Variants in TDRD9 observed in about 807,000 individuals in gnomAD.
TDRD9 encodes ATP-dependent RNA helicase TDRD9.
A neutral mutation model predicts 172.6 loss-of-function variants in TDRD9; 124 were observed. The observed-to-expected ratio is 0.72, with a 90% confidence interval of 0.62 to 0.83. The LOEUF (loss-of-function observed/expected upper bound fraction) is 0.83, where lower values mean the gene tolerates loss of function less well. Ranked by LOEUF, TDRD9 falls within the 40% of genes least tolerant of loss-of-function variation. The probability of loss-of-function intolerance (pLI) is 0.00; values close to 1 mark genes in which losing one functional copy is unlikely to be tolerated. For missense variants in TDRD9, 1,479 were observed against 1,714.1 expected (o/e 0.86, Z 2.42); for synonymous variants, 619 against 617.1 (o/e 1.00, Z -0.05).
chr14:104,046,407 G>A (rs1288263981), intron 34 of TDRD9, among the ~76,000 whole-genome samples: 1 of 152,130 alleles, frequency 6.6e-6, no homozygotes, highest in Non-Finnish European at 1.5e-5. Flanking sequence ...TGTGGTATGT[G>A]ATACAAGAGC....
intron 5 of TDRD9, among the ~76,000 whole-genome samples, chr14:103,967,961 TG>T (rs2032826318): frequency 6.6e-6 from 1 of 152,224 alleles, no homozygotes; most frequent in South Asian, 2.1e-4. Flanking sequence ...GGAAGTTCAG[TG>T]CTCAGGCCAC....
chr14:104,020,928 G>A (rs1285229529), intron 23 of TDRD9, among the ~76,000 whole-genome samples: 1 of 152,014 alleles, frequency 6.6e-6, no homozygotes, highest in African/African-American at 2.4e-5. Context: ...AGTGGGGCTG[G>A]AATGGGACAC....
Position 104,025,586 on chromosome 14 carries a change from G to C in TDRD9, c.2741G>C (p.Trp914Ser), listed in dbSNP as rs895366806. 1 of 1,613,880 alleles carries C rather than the reference G, an allele frequency of 6.2e-7. No homozygotes were observed. Among genetic ancestry groups the C allele is most frequent in the Non-Finnish European group, 8.5e-7 (1 of 1,179,844 alleles). ...TAGGTGGTTGAAGTGGGACACTTTT[G>C]GGGATACAGGATTGATGAAAACAAC... ...VTEVVEVGHF[W>S]GYRIDENNSE... is the part of the protein sequence containing the mutation. The change falls in exon 26 of 36, where the codon TGG becomes TCG. Residue 914 changes from tryptophan to serine, a missense_variant. Around this residue, in one of 3 missense-constraint regions of TDRD9, gnomAD observed 1,413 missense variants for 1,649.1 expected, o/e 0.86. Coordinates refer to ENST00000409874, the MANE Select transcript of TDRD9 (RefSeq NM_153046.3).
chr14:104,005,490 A>G lies in TDRD9; in HGVS notation c.1713+85A>G, dbSNP rs1595975984. 4.9e-6 allele frequency: 7 copies of G among 1,436,298 alleles called. No homozygotes were observed. The East Asian group carries it at 1.2e-4, about 24-fold the overall frequency. 89.0% of individuals were successfully genotyped at this position (1,436,298 alleles called of 1,614,324 possible). ...CCCTCAGTCTGTGCCTCACTTTCCC[A>G]CTAACTCTGATCCTCCCGCCTCACT... On this transcript the variant is annotated intron_variant, in intron 15 of 35. Coordinates refer to ENST00000409874, the MANE Select transcript of TDRD9 (RefSeq NM_153046.3).
intron 1 of TDRD9, among the ~76,000 whole-genome samples, chr14:103,953,828 G>A (rs919367849): frequency 6.6e-6 from 1 of 152,032 alleles, no homozygotes; most frequent in African/African-American, 2.4e-5. Flanking sequence ...TTTTTGTTCT[G>A]CCCGGGTGGA....
At chr14:103,942,947 G>T (rs551274025) in intron 1 of TDRD9, among the ~76,000 whole-genome samples, 2 of 137,850 alleles carry the variant, frequency 1.5e-5, no homozygotes, top group Non-Finnish European at 3.1e-5. Context: ...TGGTAATAAG[G>T]CAGTAATTGG....
chr14:104,014,231 CAAA>C (rs370386257), intron 20 of TDRD9, among the ~76,000 whole-genome samples: 3,334 of 103,058 alleles, frequency 0.032, 130 homozygotes, highest in Admixed American at 0.14. Context: ...GAGACTGTCT[CAAA>C]AAAAAAAAAA....
rs1038655040 is a variant in TDRD9 at position 104,052,154 on chromosome 14, G to A, written c.*72G>A. 3.2e-5 allele frequency: 34 copies of A among 1,072,932 alleles called. No homozygotes were observed. Among genetic ancestry groups the A allele is most frequent in the Non-Finnish European group, 4.4e-5 (32 of 722,406 alleles). 66.5% of individuals were successfully genotyped at this position (1,072,932 alleles called of 1,614,324 possible). A position where few individuals can be genotyped will look rare whatever the true frequency, so the allele number is the denominator to read the frequency against. On this transcript the variant is annotated 3_prime_UTR_variant, in exon 36 of 36. Coordinates refer to ENST00000409874, the MANE Select transcript of TDRD9 (RefSeq NM_153046.3). ...GGCTGGATTCCAGGCTCCCTCCGCA[G>A]ACTGACTTTCCTCTGTGTCTGGGTG... is the stretch of plus-strand genomic sequence containing the variant.
At chr14:104,045,941 A>T (rs1322100682) in intron 34 of TDRD9, among the ~76,000 whole-genome samples, 2 of 152,146 alleles carry the variant, frequency 1.3e-5, no homozygotes, top group Non-Finnish European at 2.9e-5. Context: ...ATAACAGGGG[A>T]AAATGGACTA....
At chr14:104,045,065 C>T (rs942620551) in intron 34 of TDRD9, among the ~76,000 whole-genome samples, 18 of 152,122 alleles carry the variant, frequency 1.2e-4, no homozygotes, top group African/African-American at 3.9e-4. Flanking sequence ...ATTGCTTGAA[C>T]CCAGGAGGCG....
At chr14:103,952,985 C>T (rs1445640947) in intron 1 of TDRD9, among the ~76,000 whole-genome samples, 4 of 151,966 alleles carry the variant, frequency 2.6e-5, no homozygotes, top group African/African-American at 9.7e-5. Flanking sequence ...GGTGATCCAC[C>T]CGCCTCGACC....
At chr14:103,961,381 G>A (rs1018237598) in intron 2 of TDRD9, among the ~76,000 whole-genome samples, 3 of 152,170 alleles carry the variant, frequency 2.0e-5, no homozygotes, top group East Asian at 3.9e-4. Context: ...TGACCAACAT[G>A]GTGAAACCCC....
intron 6 of TDRD9, among the ~76,000 whole-genome samples, chr14:103,973,484 CA>C (rs1348488136): frequency 6.6e-6 from 1 of 152,186 alleles, no homozygotes; most frequent in Admixed American, 6.5e-5. Context: ...TGACTGGACT[CA>C]GCTCAGGCCC....
intron 11 of TDRD9, 149 bp from the exon 12 acceptor site, chr14:103,995,601 G>A: frequency 3.1e-6 from 2 of 644,032 alleles, no homozygotes; most frequent in Non-Finnish European, 5.2e-6. Context: ...ATTGTGATGT[G>A]TATAAAATAG....
rs2034209572 is a variant in TDRD9 at position 104,000,097 on chromosome 14, G to T, written c.1483+1369G>T. ...AATCCCAGCACTTTGGGAGACTGAGGCGGGTAGATGCCTGAGCTTAGGAGT... is the reference window on the plus strand; with the variant it reads ...AATCCCAGCACTTTGGGAGACTGAGTCGGGTAGATGCCTGAGCTTAGGAGT... On this transcript the variant is annotated intron_variant, in intron 13 of 35. Transcript: ENST00000409874. Among the ~76,000 whole-genome samples the T allele has an allele frequency of 1.3e-5, 2 of 152,074 alleles. 1 individual carries two copies. Among genetic ancestry groups the T allele is most frequent in the South Asian group, 4.2e-4 (2 of 4,814 alleles).
chr14:103,961,680 T>A (rs1425452227), intron 2 of TDRD9, among the ~76,000 whole-genome samples: 2 of 152,158 alleles, frequency 1.3e-5, no homozygotes, highest in Non-Finnish European at 2.9e-5. Context: ...AGAAGCTATT[T>A]TTGCTTTGAG....
intron 21 of TDRD9, among the ~76,000 whole-genome samples, chr14:104,015,620 A>T (rs12889168): frequency 0.24 from 36,995 of 152,134 alleles, 5,048 homozygotes; most frequent in South Asian, 0.44. Context: ...TTGCACATAG[A>T]TGTGTGTGGG....
rs754103926 is a variant in TDRD9 at position 104,025,442 on chromosome 14, C to T, written c.2719-122C>T. 30 of 721,838 alleles carry T rather than the reference C, an allele frequency of 4.2e-5. 1 individual carries two copies. Among genetic ancestry groups the T allele is most frequent in the East Asian group, 3.2e-4 (12 of 37,170 alleles). 44.7% of individuals were successfully genotyped at this position (721,838 alleles called of 1,614,324 possible). A position where few individuals can be genotyped will look rare whatever the true frequency, so the allele number is the denominator to read the frequency against. On this transcript the variant is annotated intron_variant, in intron 25 of 35. Transcript: ENST00000409874. ...TAAAAACCTGTAAATACTTATGTTC[C>T]GAGGATTAACGCTGGTGAGGTGTCG...
intron 8 of TDRD9, among the ~76,000 whole-genome samples, chr14:103,986,939 C>A (rs993023620): frequency 1.3e-5 from 2 of 152,114 alleles, no homozygotes; most frequent in South Asian, 2.1e-4. Context: ...CATGGTGAAA[C>A]CCTGTCTCTA....
Sources: allele counts gnomAD v4.1 joint callset (sites outside exome capture counted in the v4.1 genomes callset), GRCh38; gene constraint gnomAD v4.1.1; regional missense constraint gnomAD v4.1.1; transcripts MANE v1.5; gene names NCBI Gene and HGNC (gene_info 2026-07-23, HGNC 2026-07-21).